The following MPP7 variants were observed in gnomAD, a reference collection of about 807,000 sequenced individuals.
MPP7 encodes MAGUK p55 subfamily member 7.
In MPP7, 60 loss-of-function variants were observed where a neutral mutation model predicts 76.5. The ratio of observed to expected loss-of-function variants is 0.78; its 90% CI spans 0.64 to 0.97. The LOEUF is 0.97. MPP7 is among the 50% of genes least tolerant of loss of function. The probability of loss-of-function intolerance (pLI) is 0.00; values close to 1 mark genes in which losing one functional copy is unlikely to be tolerated. For missense variants in MPP7, 641 were observed against 694.0 expected (o/e 0.92, Z 0.86); for synonymous variants, 237 against 244.5 (o/e 0.97, Z 0.29).
intron 8 of MPP7, among the ~76,000 whole-genome samples, chr10:28,123,462 C>CTTTTTTTTTTTTTTTTTTTTTTTTTT (rs200098933): frequency 1.1e-5 from 1 of 92,504 alleles, no homozygotes; most frequent in Non-Finnish European, 2.1e-5. Flanking sequence ...GTACTAAATT[C>CTTTTTTTTTTTTTTTTTTTTTTTTTT]TTTTTTTTTT....
At chr10:28,109,848 C>CAAAAAAAAAAAAAAAAAAAA (rs869206744) in intron 11 of MPP7, among the ~76,000 whole-genome samples, 2 of 19,220 alleles carry the variant, frequency 1.0e-4, no homozygotes, top group African/African-American at 5.0e-4. Flanking sequence ...GCCGCAGACG[C>CAAAAAAAAAAAAAAAAAAAA]AAAAAAAAAA....
At chr10:28,253,923 G>A (rs1839698919) in intron 1 of MPP7, among the ~76,000 whole-genome samples, 1 of 143,322 alleles carries the variant, frequency 7.0e-6, no homozygotes, top group Non-Finnish European at 1.5e-5. Context: ...TTGAACCTGG[G>A]AGACACAGGT....
intron 13 of MPP7, 77 bp from the exon 14 acceptor site, chr10:28,059,820 G>A: frequency 3.1e-6 from 3 of 954,102 alleles, no homozygotes; most frequent in Middle Eastern, 2.2e-4. Context: ...GAAATCAAGG[G>A]TATTTAATTA....
At chr10:28,229,802 T>G (rs561424007) in intron 2 of MPP7, among the ~76,000 whole-genome samples, 18 of 151,450 alleles carry the variant, frequency 1.2e-4, no homozygotes, top group African/African-American at 3.9e-4. Context: ...GGCAGGAGAA[T>G]GGCGTGAACC....
chr10:28,282,606 T>C (rs1024849757), intron 1 of MPP7, among the ~76,000 whole-genome samples: 1 of 151,348 alleles, frequency 6.6e-6, no homozygotes, highest in Non-Finnish European at 1.5e-5. Context: ...TGGGGGTGAG[T>C]AAGTGGGAAA....
intron 11 of MPP7, among the ~76,000 whole-genome samples, chr10:28,093,242 T>C (rs1853405705): frequency 6.6e-6 from 1 of 152,106 alleles, no homozygotes; most frequent in South Asian, 2.1e-4. Context: ...ATTCCCTGTA[T>C]GGAGGGAGGC....
rs59047415 is a variant in MPP7 at position 28,299,766 on chromosome 10, C to CTTTTTTTTT, written c.-132+3086_-132+3094dup. 2.1e-3 allele frequency among the ~76,000 whole-genome samples: 282 copies of CTTTTTTTTT among 132,688 alleles called. 5 individuals are homozygous for CTTTTTTTTT. Among genetic ancestry groups the CTTTTTTTTT allele is most frequent in the East Asian group, 7.1e-3 (28 of 3,942 alleles). 87.0% of individuals were successfully genotyped at this position (132,688 alleles called of 152,430 possible). A position where few individuals can be genotyped will look rare whatever the true frequency, so the allele number is the denominator to read the frequency against. ...GTATCTCATTTAACAAAATTCAAGA[C>CTTTTTTTTT]TTTTTTTTTTTTTTTTTGAGACGGA... is the stretch of plus-strand genomic sequence containing the variant. On this transcript the variant is annotated intron_variant, in intron 1 of 16. Transcript: ENST00000683449.
intron 1 of MPP7, among the ~76,000 whole-genome samples, chr10:28,265,129 A>G (rs1377901477): frequency 6.6e-6 from 1 of 152,164 alleles, no homozygotes; most frequent in Non-Finnish European, 1.5e-5. Context: ...CATCAGAGGT[A>G]TTGCTTTTAC....
At chr10:28,108,851 A>G (rs1306943136) in intron 11 of MPP7, among the ~76,000 whole-genome samples, 1 of 152,138 alleles carries the variant, frequency 6.6e-6, no homozygotes, top group African/African-American at 2.4e-5. Context: ...TTCGTGTATA[A>G]CAACCCTCGG....
At chr10:28,132,960 G>C (rs1235879816) in intron 5 of MPP7, among the ~76,000 whole-genome samples, 1 of 152,200 alleles carries the variant, frequency 6.6e-6, no homozygotes, top group Non-Finnish European at 1.5e-5. Context: ...ACTTAGATCA[G>C]AGATTGGTAA....
intron 11 of MPP7, chr10:28,119,015 G>A: frequency 1.0e-6 from 1 of 985,318 alleles, no homozygotes; most frequent in Non-Finnish European, 1.2e-6. Context: ...ATGCAGACTT[G>A]AAGAGCTGGG....
upstream of MPP7, among the ~76,000 whole-genome samples, chr10:28,306,914 C>G (rs1841261700): frequency 2.6e-5 from 4 of 152,146 alleles, 1 homozygote; most frequent in South Asian, 8.3e-4. Flanking sequence ...TTCTCCTATT[C>G]TGATAACCAG....
At chr10:28,074,770 C>T (rs1852409316) in intron 12 of MPP7, among the ~76,000 whole-genome samples, 2 of 152,172 alleles carry the variant, frequency 1.3e-5, no homozygotes, top group Non-Finnish European at 2.9e-5. Context: ...TCCACATTTC[C>T]CTTAACTCTA....
At chr10:28,107,901 G>A (rs2801849) in intron 11 of MPP7, among the ~76,000 whole-genome samples, 81,608 of 151,980 alleles carry the variant, frequency 0.54, 24,834 homozygotes, top group Middle Eastern at 0.71. Flanking sequence ...TGGATGTACC[G>A]GGTATCTGGC....
intron 3 of MPP7, among the ~76,000 whole-genome samples, chr10:28,182,209 A>T (rs1356074642): frequency 6.6e-6 from 1 of 152,194 alleles, no homozygotes; most frequent in Non-Finnish European, 1.5e-5. Flanking sequence ...AGGATATAAA[A>T]AGGAAACTGG....
chr10:28,256,328 A>G (rs1277242280), intron 1 of MPP7, among the ~76,000 whole-genome samples: 28 of 104,544 alleles, frequency 2.7e-4, no homozygotes, highest in Non-Finnish European at 4.6e-4. Flanking sequence ...GCTTTCAGGG[A>G]AAAAAAAAAA....
chr10:28,070,861 A>G (rs1257719699), intron 12 of MPP7, among the ~76,000 whole-genome samples: 2 of 152,240 alleles, frequency 1.3e-5, no homozygotes, highest in African/African-American at 4.8e-5. Flanking sequence ...GTCTGAAATC[A>G]AAAGTTAGAC....
At chr10:28,174,200 C>A (rs1187842491) in intron 3 of MPP7, among the ~76,000 whole-genome samples, 1 of 151,702 alleles carries the variant, frequency 6.6e-6, no homozygotes, top group East Asian at 1.9e-4. Context: ...CGTGGCAATA[C>A]AAACCGCAAC....
intron 16 of MPP7, among the ~76,000 whole-genome samples, chr10:28,054,954 C>T (rs975019959): frequency 2.0e-5 from 3 of 152,190 alleles, no homozygotes; most frequent in Admixed American, 6.5e-5. Flanking sequence ...GCTGGGATTA[C>T]AGGCATGAGC....
Sources: allele counts gnomAD v4.1 joint callset (sites outside exome capture counted in the v4.1 genomes callset), GRCh38; gene constraint gnomAD v4.1.1; transcripts MANE v1.5; gene names NCBI Gene and HGNC (gene_info 2026-07-23, HGNC 2026-07-21).